The following LOC122539214 variants were observed in gnomAD, a reference collection of about 807,000 sequenced individuals.
the LOC122539214 span, among the ~76,000 whole-genome samples, chr19:52,682,376 C>T: frequency 6.6e-6 from 1 of 151,770 alleles, no homozygotes; most frequent in African/African-American, 2.4e-5. Flanking sequence ...AATAAAAATA[C>T]AATATAAAAA....
chr19:52,660,109 G>C, the LOC122539214 span, among the ~76,000 whole-genome samples: 1 of 152,172 alleles, frequency 6.6e-6, no homozygotes, highest in Non-Finnish European at 1.5e-5. Flanking sequence ...GAGAATTGCG[G>C]TGGTAAGACC....
chr19:52,664,142 C>T, the LOC122539214 span, among the ~76,000 whole-genome samples: 2 of 151,714 alleles, frequency 1.3e-5, no homozygotes, highest in African/African-American at 4.8e-5. Context: ...CCTTGGCCTC[C>T]AAACTGCTGG....
the LOC122539214 span, chr19:52,653,328 A>T: frequency 1.8e-5 from 23 of 1,285,000 alleles, no homozygotes; most frequent in East Asian, 1.6e-4. Context: ...GTTTCTCTCC[A>T]GTATGAACTC....
At chr19:52,655,533 C>T in the LOC122539214 span, 1 of 1,462,692 alleles carries the variant, frequency 6.8e-7, no homozygotes. Context: ...GGGCAGATTC[C>T]TCACATCAGG....
the LOC122539214 span, among the ~76,000 whole-genome samples, chr19:52,662,332 A>G: frequency 6.6e-6 from 1 of 152,144 alleles, no homozygotes; most frequent in Non-Finnish European, 1.5e-5. Flanking sequence ...TCACCTATGG[A>G]AATGTGCATT....
At chr19:52,677,754 C>T in the LOC122539214 span, among the ~76,000 whole-genome samples, 1 of 151,952 alleles carries the variant, frequency 6.6e-6, no homozygotes, top group African/African-American at 2.4e-5. Flanking sequence ...AAGAGCCAGG[C>T]CAGAGGGGAT....
the LOC122539214 span, among the ~76,000 whole-genome samples, chr19:52,679,686 C>T: frequency 1.3e-5 from 2 of 152,152 alleles, no homozygotes; most frequent in African/African-American, 4.8e-5. Flanking sequence ...TATCTCATAA[C>T]CTGGTCCACG....
chr19:52,676,648 G>A, the LOC122539214 span, among the ~76,000 whole-genome samples: 1 of 145,856 alleles, frequency 6.9e-6, no homozygotes, highest in Non-Finnish European at 1.5e-5. Flanking sequence ...CATTGAGAAC[G>A]GGCCAGGATG....
At chr19:52,665,456 T>C in the LOC122539214 span, among the ~76,000 whole-genome samples, 1 of 152,206 alleles carries the variant, frequency 6.6e-6, no homozygotes, top group Non-Finnish European at 1.5e-5. Context: ...TAACAGTGCA[T>C]ATAAATTGCC....
the LOC122539214 span, among the ~76,000 whole-genome samples, chr19:52,688,318 G>A: frequency 2.0e-5 from 3 of 151,206 alleles, no homozygotes; most frequent in Admixed American, 6.6e-5. Flanking sequence ...TTACAGGTGC[G>A]CACCATCATA....
the LOC122539214 span, among the ~76,000 whole-genome samples, chr19:52,664,633 A>G: frequency 6.6e-6 from 1 of 152,190 alleles, no homozygotes; most frequent in East Asian, 1.9e-4. Context: ...AAAAGCCAGG[A>G]CTGGGGGGTG....
the LOC122539214 span, chr19:52,652,726 TAA>T: frequency 7.4e-4 from 520 of 705,288 alleles, 2 homozygotes; most frequent in African/African-American, 8.4e-3. Context: ...ATTACATTTG[TAA>T]AGTTTCCCTA....
the LOC122539214 span, among the ~76,000 whole-genome samples, chr19:52,690,182 GAA>G: frequency 0.012 from 1,529 of 132,158 alleles, 29 homozygotes; most frequent in African/African-American, 0.038. Flanking sequence ...ATGATTTTGA[GAA>G]AAAAAAAAAA....
At chr19:52,675,400 A>T in the LOC122539214 span, among the ~76,000 whole-genome samples, 13 of 152,228 alleles carry the variant, frequency 8.5e-5, no homozygotes, top group East Asian at 2.1e-3. Context: ...AGAAAGAAAT[A>T]TATCAAGGGG....
the LOC122539214 span, among the ~76,000 whole-genome samples, chr19:52,672,050 A>G: frequency 2.0e-5 from 3 of 152,106 alleles, no homozygotes; most frequent in Admixed American, 2.0e-4. Context: ...CCTGGCTAAC[A>G]TGGTGAAACC....
At chr19:52,689,511 T>G in the LOC122539214 span, among the ~76,000 whole-genome samples, 1 of 152,040 alleles carries the variant, frequency 6.6e-6, no homozygotes, top group East Asian at 1.9e-4. Context: ...TCCCTCCTCC[T>G]CTCCCTCACC....
At chr19:52,672,757 G>A in the LOC122539214 span, among the ~76,000 whole-genome samples, 1 of 152,134 alleles carries the variant, frequency 6.6e-6, no homozygotes, top group Non-Finnish European at 1.5e-5. Context: ...TCGCCATCAT[G>A]CTGGGTTAAT....
At chr19:52,652,726 T>A in the LOC122539214 span, 1 of 705,292 alleles carries the variant, frequency 1.4e-6, no homozygotes, top group Non-Finnish European at 2.5e-6. Context: ...ATTACATTTG[T>A]AAAGTTTCCC....
the LOC122539214 span, among the ~76,000 whole-genome samples, chr19:52,689,958 C>G: frequency 6.6e-6 from 1 of 152,084 alleles, no homozygotes; most frequent in Admixed American, 6.5e-5. Flanking sequence ...CAGCAGGGCC[C>G]GGCACGAGGA....
Sources: gnomAD v4.1 joint callset for allele counts (sites outside exome capture counted in the v4.1 genomes callset) on GRCh38, gnomAD v4.1.1 for gene constraint, MANE v1.5 for transcripts.